Variants in NMBR observed in about 807,000 individuals in gnomAD.
NMBR encodes the protein neuromedin B receptor.
A neutral mutation model predicts 20.5 loss-of-function variants in NMBR; 16 were observed. That is an observed-to-expected ratio of 0.78 (90% CI 0.53 to 1.19). NMBR has a LOEUF of 1.19. Among genes scored for constraint, NMBR ranks in the 50% most tolerant of loss-of-function variants. The pLI is 0.00. For synonymous variants in NMBR, 212 were observed against 196.6 expected, an observed-to-expected ratio of 1.08 and a Z score of -0.65; for missense variants, 582 against 499.1, an observed-to-expected ratio of 1.17 and a Z score of -1.58.
Position 142,075,456 on chromosome 6 carries a change from C to A in NMBR, c.*192G>T, listed in dbSNP as rs1776913373. ...TATATGTAGTGATTTAAAGTCTTTT[C>A]TCATATTCTAATTATTAGGAAATGA... On this transcript the variant is annotated 3_prime_UTR_variant, in exon 4 of 4. Coordinates refer to ENST00000258042, the MANE Select transcript of NMBR (RefSeq NM_002511.4). 6.6e-6 allele frequency among the ~76,000 whole-genome samples: 1 copy of A among 151,840 alleles called. No homozygotes were observed. Among genetic ancestry groups the A allele is most frequent in the Non-Finnish European group, 1.5e-5 (1 of 67,972 alleles).
intron 1 of NMBR, among the ~76,000 whole-genome samples, chr6:142,094,062 G>A (rs533774613): frequency 9.2e-5 from 14 of 151,920 alleles, no homozygotes; most frequent in Admixed American, 3.3e-4. Flanking sequence ...CCTTTGTCAG[G>A]TGAGTAGATT....
chr6:142,101,086 C>A (rs1305062387), intron 1 of NMBR, among the ~76,000 whole-genome samples: 1 of 152,008 alleles, frequency 6.6e-6, no homozygotes, highest in African/African-American at 2.4e-5. Context: ...GATTTACGGA[C>A]AGAAAAAGAA....
intron 1 of NMBR, among the ~76,000 whole-genome samples, chr6:142,092,576 A>G (rs765804105): frequency 6.6e-6 from 1 of 152,216 alleles, no homozygotes; most frequent in Non-Finnish European, 1.5e-5. Context: ...AACATATTAA[A>G]CAGTAGTTTT....
chr6:142,133,645 C>A (rs1214928661), intron 1 of NMBR, among the ~76,000 whole-genome samples: 1 of 152,048 alleles, frequency 6.6e-6, no homozygotes, highest in East Asian at 1.9e-4. Context: ...AGCCACATGT[C>A]CCTATCAACT....
In NMBR at chr6:142,074,858, TG is replaced by T. The variant is rs1161165838; in HGVS notation, c.*789del. 1.3e-5 allele frequency among the ~76,000 whole-genome samples: 2 copies of T among 152,136 alleles called. No individual in the cohort carries two copies. The highest frequency in any genetic ancestry group is 4.8e-5 in the African/African-American group (2 of 41,444). On this transcript the variant is annotated 3_prime_UTR_variant, in exon 4 of 4. Coordinates refer to ENST00000258042, the MANE Select transcript of NMBR (RefSeq NM_002511.4). ...ATTCATAATGTAAATCATATTCATA[TG>T]ATACCTATTTTACATTCATAATATA... is the stretch of plus-strand genomic sequence containing the variant.
At position 142,088,438 on chromosome 6, in the gene NMBR, A is replaced by T. The variant is rs1292942590; in HGVS notation, c.221T>A (p.Met74Lys). Residue 74 changes from methionine to lysine, a missense_variant, in exon 2 of 4, where the codon ATG (methionine) becomes AAG (lysine). Coordinates refer to ENST00000258042, the MANE Select transcript of NMBR (RefSeq NM_002511.4). ...GATGAAGATGTTGGGGACGCTCCTC[A>T]TGGCGCTGTTGGTGATGAAGATCTT... ...LVKIFITNSA[M>K]RSVPNIFISN... 6.2e-7 allele frequency: 1 copy of T among 1,614,030 alleles called. No homozygotes were observed. The highest frequency in any genetic ancestry group is 1.7e-5 in the Admixed American group (1 of 59,998).
chr6:142,086,051 T>A (rs1266137182), intron 2 of NMBR, among the ~76,000 whole-genome samples: 1 of 151,980 alleles, frequency 6.6e-6, no homozygotes, highest in East Asian at 1.9e-4. Context: ...CTTGGGTGTT[T>A]TGTTTTAAAC....
rs184922133 is a variant in NMBR at position 142,089,198 on chromosome 6, C to A, written c.-540G>T. 87 of 158,006 alleles carry A rather than the reference C, an allele frequency of 5.5e-4. No homozygotes were observed. The highest frequency in any genetic ancestry group is 1.4e-3 in the African/African-American group (58 of 41,580). 9.8% of individuals were successfully genotyped at this position (158,006 alleles called of 1,614,324 possible). ...GTGTGGAACTGGAGGGGAGGTCAGT[C>A]CTCCATGCATGTGTGTGTGCCCCTA... On this transcript the variant is annotated 5_prime_UTR_variant, in exon 2 of 4. Transcript: ENST00000258042.
In NMBR at chr6:142,078,410, TC is replaced by T. The variant is rs1292524831; in HGVS notation, c.771+144del. 8.6e-6 allele frequency: 5 copies of T among 579,274 alleles called. No individual in the cohort carries two copies. In the East Asian group the frequency reaches 1.4e-4, roughly 16 times the overall value. The allele number at this position is 579,274 out of a possible 1,614,324, so 35.9% of individuals were successfully genotyped here. A position where few individuals can be genotyped will look rare whatever the true frequency, so the allele number is the denominator to read the frequency against. On this transcript the variant is annotated intron_variant, in intron 3 of 3. Transcript: ENST00000258042. ...CTCTGATATGACCATATATTAGAGA[TC>T]CCCACATATCCCTTCTAGTTAAGGC...
At chr6:142,131,254 A>C (rs1407447409) in intron 1 of NMBR, among the ~76,000 whole-genome samples, 1 of 152,186 alleles carries the variant, frequency 6.6e-6, no homozygotes, top group Non-Finnish European at 1.5e-5. Context: ...AGGCATGTTA[A>C]CATTTGTAAT....
rs767329339 is a variant in NMBR at position 142,105,882 on chromosome 6, A to G, written c.-663-16561T>C. 3.2e-4 allele frequency among the ~76,000 whole-genome samples: 48 copies of G among 152,322 alleles called. 1 individual carries two copies. Among genetic ancestry groups the G allele is most frequent in the African/African-American group, 1.7e-4 (7 of 41,578 alleles). ...TAGTGCTTATTAACACCTTTTCTAT[A>G]GCATTTAAAAGTAGCATGTCATTAT... On this transcript the variant is annotated intron_variant, in intron 1 of 3. Transcript: ENST00000258042.
intron 1 of NMBR, chr6:142,134,598 T>G: frequency 1.5e-6 from 1 of 664,516 alleles, no homozygotes. Context: ...ATGCTGCATG[T>G]AAAAGCATCA....
At chr6:142,088,186 C>T (rs755650122) in intron 2 of NMBR, 51 bp downstream of exon 2, 7 of 1,567,752 alleles carry the variant, frequency 4.5e-6, no homozygotes, top group Admixed American at 1.7e-5. Context: ...CTTCTCTACT[C>T]GCCCCTCTCC....
At chr6:142,116,196 G>A (rs569081277) in intron 1 of NMBR, among the ~76,000 whole-genome samples, 120 of 151,874 alleles carry the variant, frequency 7.9e-4, no homozygotes, top group African/African-American at 2.8e-3. Context: ...GCCCAGTCTT[G>A]GGTATGTCTT....
At chr6:142,129,016 C>T (rs1336847834) in intron 1 of NMBR, among the ~76,000 whole-genome samples, 1 of 113,536 alleles carries the variant, frequency 8.8e-6, no homozygotes, top group African/African-American at 2.8e-5. Context: ...AACATTTATG[C>T]ATTAATTTGC....
chr6:142,128,120 A>G (rs1232223607), intron 1 of NMBR, among the ~76,000 whole-genome samples: 1 of 151,876 alleles, frequency 6.6e-6, no homozygotes, highest in Non-Finnish European at 1.5e-5. Context: ...AGTGCTCGTG[A>G]GATCTGGTTG....
At chr6:142,099,319 G>A (rs1205278511) in intron 1 of NMBR, among the ~76,000 whole-genome samples, 1 of 152,120 alleles carries the variant, frequency 6.6e-6, no homozygotes, top group East Asian at 1.9e-4. Flanking sequence ...ATGTTTAATT[G>A]ACTCATAGTT....
At chr6:142,096,290 A>G (rs1443222192) in intron 1 of NMBR, among the ~76,000 whole-genome samples, 1 of 152,110 alleles carries the variant, frequency 6.6e-6, no homozygotes, top group African/African-American at 2.4e-5. Flanking sequence ...GTGGGCATTT[A>G]CTGCTATAAA....
Position 142,108,180 on chromosome 6 carries a change from G to A in NMBR, c.-663-18859C>T, listed in dbSNP as rs905568715. Among the ~76,000 whole-genome samples, 49 of 152,062 alleles carry A rather than the reference G, an allele frequency of 3.2e-4. 1 individual carries two copies. The highest frequency in any genetic ancestry group is 1.8e-3 in the Admixed American group (28 of 15,274). Reference sequence around the variant, plus strand: ...CACAAAAGTTATTCAAAAAAGTAATGACTGAAAACCTTCCAAATTTGACTT... The same window carrying A: ...CACAAAAGTTATTCAAAAAAGTAATAACTGAAAACCTTCCAAATTTGACTT... On this transcript the variant is annotated intron_variant, in intron 1 of 3. Coordinates refer to ENST00000258042, the MANE Select transcript of NMBR (RefSeq NM_002511.4).
Sources: gnomAD v4.1 joint callset for allele counts (sites outside exome capture counted in the v4.1 genomes callset) on GRCh38, gnomAD v4.1.1 for gene constraint, MANE v1.5 for transcripts, NCBI Gene and HGNC (gene_info 2026-07-23, HGNC 2026-07-21) for gene names.